GRIK1: variants seen among roughly 807,000 people sequenced by gnomAD.
GRIK1 encodes the protein glutamate receptor ionotropic, kainate 1.
GRIK1 carries 69 observed loss-of-function variants against 105.7 expected under a neutral mutation model. The ratio of observed to expected loss-of-function variants is 0.65; its 90% CI spans 0.54 to 0.80. GRIK1 has a LOEUF of 0.80. GRIK1 is among the 30% of genes least tolerant of loss of function. GRIK1 has a pLI of 0.00. For synonymous variants in GRIK1, 438 were observed against 431.3 expected, an observed-to-expected ratio of 1.02 and a Z score of -0.19; for missense variants, 1,109 against 1,167.3, an observed-to-expected ratio of 0.95 and a Z score of 0.73.
intron 1 of GRIK1, among the ~76,000 whole-genome samples, chr21:29,847,688 T>G (rs1411836166): frequency 7.2e-5 from 11 of 152,214 alleles, no homozygotes; most frequent in Non-Finnish European, 1.6e-4. Context: ...CAATGGCTGG[T>G]TGTCTCTTTA....
chr21:29,859,191 A>G (rs2068558742), intron 1 of GRIK1, among the ~76,000 whole-genome samples: 5 of 148,342 alleles, frequency 3.4e-5, no homozygotes, highest in Non-Finnish European at 4.5e-5. Flanking sequence ...GAAGGGGAAC[A>G]TCACACACCG....
chr21:29,587,138 G>A (rs957082105), intron 12 of GRIK1, among the ~76,000 whole-genome samples: 1 of 152,098 alleles, frequency 6.6e-6, no homozygotes, highest in African/African-American at 2.4e-5. Context: ...TAGGGATAAA[G>A]TTAAACTAAT....
rs936628057 is a variant in GRIK1, at chr21:29,730,778, C to T, written c.119-36715G>A. On this transcript the variant is annotated intron_variant, in intron 1 of 17. Coordinates refer to ENST00000327783, the MANE Select transcript of GRIK1 (RefSeq NM_001330994.2). ...TGATTTCATTTACCATCATGACATT[C>T]ATAGCCACGGTATCTTTAGCCTACA... Among the ~76,000 whole-genome samples, 15 of 152,132 alleles carry T rather than the reference C, an allele frequency of 9.9e-5. 1 individual carries two copies. The highest frequency in any genetic ancestry group is 9.8e-4 in the Admixed American group (15 of 15,252).
chr21:29,877,300 T>C (rs926657606), intron 1 of GRIK1, among the ~76,000 whole-genome samples: 2 of 152,164 alleles, frequency 1.3e-5, no homozygotes, highest in Non-Finnish European at 2.9e-5. Flanking sequence ...CCTTAATTAA[T>C]CATTTATATA....
intron 7 of GRIK1, among the ~76,000 whole-genome samples, chr21:29,602,660 A>G (rs2061540151): frequency 6.6e-6 from 1 of 152,342 alleles, no homozygotes; most frequent in South Asian, 2.1e-4. Flanking sequence ...TGTGCTGGGT[A>G]AAAACATGAA....
At chr21:29,831,684 C>A (rs1005815899) in intron 1 of GRIK1, among the ~76,000 whole-genome samples, 1 of 152,062 alleles carries the variant, frequency 6.6e-6, no homozygotes, top group Non-Finnish European at 1.5e-5. Flanking sequence ...CCCCCATGAT[C>A]AAAACACCAC....
At chr21:29,541,818 T>G (rs1573457) in intron 16 of GRIK1, among the ~76,000 whole-genome samples, 107,917 of 151,112 alleles carry the variant, frequency 0.71, 38,931 homozygotes, top group Admixed American at 0.81. Flanking sequence ...GTATTGTGCT[T>G]TATACATAGG....
intron 1 of GRIK1, among the ~76,000 whole-genome samples, chr21:29,765,313 T>A (rs1031822086): frequency 6.6e-6 from 1 of 152,162 alleles, no homozygotes; most frequent in African/African-American, 2.4e-5. Flanking sequence ...TGCTTGCTTT[T>A]ATGAGTAGAG....
intron 1 of GRIK1, among the ~76,000 whole-genome samples, chr21:29,885,480 A>C (rs2069585512): frequency 6.6e-6 from 1 of 152,080 alleles, no homozygotes; most frequent in Non-Finnish European, 1.5e-5. Flanking sequence ...GGTGGGAGTG[A>C]AGGAATAGAA....
chr21:29,832,566 G>C (rs2067673199), intron 1 of GRIK1, among the ~76,000 whole-genome samples: 1 of 152,164 alleles, frequency 6.6e-6, no homozygotes, highest in South Asian at 2.1e-4. Context: ...AAATCTTATG[G>C]GTTGTACACT....
chr21:29,603,566 AT>A (rs2061558788), intron 7 of GRIK1, among the ~76,000 whole-genome samples: 1 of 152,162 alleles, frequency 6.6e-6, no homozygotes, highest in Non-Finnish European at 1.5e-5. Context: ...TCTTGTGTCT[AT>A]TTAGGTACAC....
chr21:29,811,522 C>T (rs2067009644), intron 1 of GRIK1, among the ~76,000 whole-genome samples: 1 of 152,158 alleles, frequency 6.6e-6, no homozygotes, highest in South Asian at 2.1e-4. Context: ...TTTTTGTCTA[C>T]TCTGTCCTCC....
At chr21:29,627,050 T>C (rs2062147477) in intron 7 of GRIK1, among the ~76,000 whole-genome samples, 1 of 152,220 alleles carries the variant, frequency 6.6e-6, no homozygotes, top group African/African-American at 2.4e-5. Flanking sequence ...ATGGTTTAAA[T>C]AAACCCTCTG....
chr21:29,796,317 A>T lies in GRIK1; in HGVS notation c.119-102254T>A, dbSNP rs1047033382. ...TCTTTGAAGTCCCTAGTTAATGTCC[A>T]TTTAATGAATGGAGACCAAAGTAAA... is the stretch of plus-strand genomic sequence containing the variant. On this transcript the variant is annotated intron_variant, in intron 1 of 17. Coordinates refer to ENST00000327783, the MANE Select transcript of GRIK1 (RefSeq NM_001330994.2). Among the ~76,000 whole-genome samples, 5 of 152,138 alleles carry T rather than the reference A, an allele frequency of 3.3e-5. No homozygotes were observed. The South Asian group carries it at 1.0e-3, about 31-fold the overall frequency.
At chr21:29,564,967 C>T (rs1421052570) in intron 14 of GRIK1, among the ~76,000 whole-genome samples, 2 of 152,164 alleles carry the variant, frequency 1.3e-5, no homozygotes, top group African/African-American at 4.8e-5. Context: ...GATTTAAATT[C>T]AACAACATCC....
chr21:29,635,537 C>T (rs1449363101), intron 7 of GRIK1, among the ~76,000 whole-genome samples: 1 of 152,142 alleles, frequency 6.6e-6, no homozygotes, highest in Non-Finnish European at 1.5e-5. Context: ...ACGCAGAAGA[C>T]CAGTGACTGA....
chr21:29,885,946 C>T (rs996831438), intron 1 of GRIK1, among the ~76,000 whole-genome samples: 1 of 152,100 alleles, frequency 6.6e-6, no homozygotes, highest in African/African-American at 2.4e-5. Context: ...TTAGCTAATT[C>T]AGAGGAAACA....
chr21:29,669,735 C>T (rs967712322), intron 4 of GRIK1, among the ~76,000 whole-genome samples: 2 of 152,094 alleles, frequency 1.3e-5, no homozygotes, highest in Non-Finnish European at 2.9e-5. Flanking sequence ...TGCCACACAC[C>T]TTTGTTGGCA....
At chr21:29,851,213 C>T (rs1448406641) in intron 1 of GRIK1, among the ~76,000 whole-genome samples, 1 of 152,122 alleles carries the variant, frequency 6.6e-6, no homozygotes, top group African/African-American at 2.4e-5. Context: ...AGCCACCACA[C>T]CAAGCTAACT....
Sources: gnomAD v4.1 joint callset for allele counts (sites outside exome capture counted in the v4.1 genomes callset) on GRCh38, gnomAD v4.1.1 for gene constraint, MANE v1.5 for transcripts, NCBI Gene and HGNC (gene_info 2026-07-23, HGNC 2026-07-21) for gene names.